SLC35D4: variants seen among roughly 807,000 people sequenced by gnomAD.
SLC35D4 encodes solute carrier family 35 member D4.
At chr18:23,270,234 C>A in the SLC35D4 span, among the ~76,000 whole-genome samples, 1 of 152,216 alleles carries the variant, frequency 6.6e-6, no homozygotes, top group African/African-American at 2.4e-5. Context: ...CAGGTCATGG[C>A]TTCAGAGGGT....
At chr18:23,240,200 C>A in the SLC35D4 span, among the ~76,000 whole-genome samples, 1 of 152,114 alleles carries the variant, frequency 6.6e-6, no homozygotes, top group Non-Finnish European at 1.5e-5. Flanking sequence ...AGGAAGACTT[C>A]CCCGAGGAAT....
At chr18:23,267,482 C>T in the SLC35D4 span, among the ~76,000 whole-genome samples, 1 of 152,038 alleles carries the variant, frequency 6.6e-6, no homozygotes, top group African/African-American at 2.4e-5. Context: ...ACTTCCTGCC[C>T]CCAATCTTCT....
At chr18:23,242,898 A>G in the SLC35D4 span, among the ~76,000 whole-genome samples, 1 of 152,166 alleles carries the variant, frequency 6.6e-6, no homozygotes, top group Non-Finnish European at 1.5e-5. Context: ...TTTTCAGTAC[A>G]GCATGAGATG....
chr18:23,368,585 A>C, the SLC35D4 span: 2 of 627,242 alleles, frequency 3.2e-6, no homozygotes, highest in African/African-American at 1.9e-5. Flanking sequence ...CAACTCTGTC[A>C]TCTCACAAAT....
chr18:23,357,209 AT>A, the SLC35D4 span, among the ~76,000 whole-genome samples: 270 of 150,548 alleles, frequency 1.8e-3, no homozygotes, highest in African/African-American at 6.2e-3. Flanking sequence ...TTTTTTTTTC[AT>A]TTTTATGTTT....
At chr18:23,409,096 C>T in the SLC35D4 span, among the ~76,000 whole-genome samples, 1 of 151,740 alleles carries the variant, frequency 6.6e-6, no homozygotes, top group African/African-American at 2.4e-5. Context: ...GATTGTGCCA[C>T]TGCACTCCAG....
At chr18:23,423,246 C>T in the SLC35D4 span, among the ~76,000 whole-genome samples, 3 of 152,222 alleles carry the variant, frequency 2.0e-5, no homozygotes, top group African/African-American at 7.2e-5. Flanking sequence ...CTGTAGTGAA[C>T]ACCTGCTCAG....
the SLC35D4 span, among the ~76,000 whole-genome samples, chr18:23,275,689 T>G: frequency 6.6e-6 from 1 of 151,456 alleles, no homozygotes; most frequent in African/African-American, 2.4e-5. Flanking sequence ...GAAGGACACC[T>G]GTACCCCAAA....
chr18:23,369,368 G>T, the SLC35D4 span, among the ~76,000 whole-genome samples: 8 of 152,274 alleles, frequency 5.3e-5, no homozygotes, highest in Middle Eastern at 3.4e-3. Context: ...CAGTCTAGGG[G>T]CACTGGCCTC....
chr18:23,303,832 A>G, the SLC35D4 span, among the ~76,000 whole-genome samples: 31 of 151,608 alleles, frequency 2.0e-4, no homozygotes, highest in South Asian at 6.2e-4. Flanking sequence ...ACCCAGGGAG[A>G]TGGAGGTTCC....
At chr18:23,285,657 G>A in the SLC35D4 span, among the ~76,000 whole-genome samples, 176 of 151,920 alleles carry the variant, frequency 1.2e-3, no homozygotes, top group Non-Finnish European at 2.0e-3. Context: ...CCCAAACGTC[G>A]CTGAGTCTTT....
At chr18:23,376,735 A>T in the SLC35D4 span, 1 of 454,386 alleles carries the variant, frequency 2.2e-6, no homozygotes, top group East Asian at 7.0e-5. Flanking sequence ...GATCACCCCA[A>T]ACAGACAACC....
At chr18:23,429,240 T>G in the SLC35D4 span, among the ~76,000 whole-genome samples, 1 of 152,224 alleles carries the variant, frequency 6.6e-6, no homozygotes. Context: ...AAATGGTAAT[T>G]CTATTTTTCA....
At chr18:23,388,840 C>T in the SLC35D4 span, among the ~76,000 whole-genome samples, 583 of 152,184 alleles carry the variant, frequency 3.8e-3, 2 homozygotes, top group African/African-American at 0.013. Flanking sequence ...TCTCCTGCTC[C>T]GCCATGGTAA....
the SLC35D4 span, among the ~76,000 whole-genome samples, chr18:23,380,879 T>C: frequency 6.6e-6 from 1 of 152,096 alleles, no homozygotes; most frequent in Non-Finnish European, 1.5e-5. Context: ...CAGCTCCAGA[T>C]AGTTTATTTT....
chr18:23,373,554 CCCAGGCCCAGAGCTACCCAG>C, the SLC35D4 span, among the ~76,000 whole-genome samples: 1 of 152,162 alleles, frequency 6.6e-6, no homozygotes, highest in Non-Finnish European at 1.5e-5. Context: ...AATGGTGTTG[CCCAGGCCCAGAGCTACCCAG>C]CCTGCAAGAT....
chr18:23,307,554 C>T, the SLC35D4 span, among the ~76,000 whole-genome samples: 1 of 152,192 alleles, frequency 6.6e-6, no homozygotes, highest in Admixed American at 6.5e-5. Flanking sequence ...GGCCCTTGAA[C>T]GAGAGGCACA....
At chr18:23,316,312 C>A in the SLC35D4 span, among the ~76,000 whole-genome samples, 1 of 152,210 alleles carries the variant, frequency 6.6e-6, no homozygotes, top group Admixed American at 6.5e-5. Context: ...CCAACCTGGT[C>A]TTCCTTCCAG....
the SLC35D4 span, among the ~76,000 whole-genome samples, chr18:23,273,643 T>G: frequency 6.6e-6 from 1 of 152,162 alleles, no homozygotes; most frequent in African/African-American, 2.4e-5. Flanking sequence ...TGAGGACTTC[T>G]GGGGTGACTG....
Sources: allele counts gnomAD v4.1 joint callset (sites outside exome capture counted in the v4.1 genomes callset), GRCh38; gene constraint gnomAD v4.1.1; transcripts MANE v1.5; gene names NCBI Gene and HGNC (gene_info 2026-07-23, HGNC 2026-07-21).